The following CDH20 variants were observed in gnomAD, a reference collection of about 807,000 sequenced individuals.
CDH20 encodes the protein cadherin-20.
In CDH20, 29 loss-of-function variants were observed where a neutral mutation model predicts 74.2. The ratio of observed to expected loss-of-function variants is 0.39; its 90% CI spans 0.29 to 0.53. The LOEUF (loss-of-function observed/expected upper bound fraction) is 0.53. Ranked by LOEUF, CDH20 falls within the 20% of genes least tolerant of loss-of-function variation. The pLI, the probability that CDH20 is intolerant of heterozygous loss-of-function variation, is 0.69. For missense variants in CDH20, 988 were observed against 1,048.3 expected (o/e 0.94, Z 0.79); for synonymous variants, 469 against 405.4 (o/e 1.16, Z -1.88).
rs572717466 is a variant in CDH20 at position 61,366,803 on chromosome 18, G to A, written c.-153+32976G>A. On this transcript the variant is annotated intron_variant, in intron 1 of 11. Coordinates refer to ENST00000262717, the MANE Select transcript of CDH20 (RefSeq NM_031891.4). ...TCCAACAGTGAAACAAAGCAGAGAC[G>A]TTGTAAAAAAATCTCTTCCTGCATA... 7.0e-4 allele frequency among the ~76,000 whole-genome samples: 106 copies of A among 151,906 alleles called. 1 individual carries two copies. The highest frequency in any genetic ancestry group is 3.8e-3 in the South Asian group (18 of 4,794).
chr18:61,386,275 C>A (rs1004475682), intron 1 of CDH20, among the ~76,000 whole-genome samples: 2 of 152,152 alleles, frequency 1.3e-5, no homozygotes, highest in East Asian at 3.9e-4. Flanking sequence ...TGGCCTTTGG[C>A]AGTTGACTTA....
intron 1 of CDH20, among the ~76,000 whole-genome samples, chr18:61,360,427 A>G (rs997998250): frequency 6.6e-6 from 1 of 152,084 alleles, no homozygotes; most frequent in Non-Finnish European, 1.5e-5. Flanking sequence ...AAAATGAAAG[A>G]CCCAATTCCT....
intron 1 of CDH20, among the ~76,000 whole-genome samples, chr18:61,348,190 T>C (rs571092963): frequency 2.0e-5 from 3 of 152,328 alleles, no homozygotes; most frequent in Admixed American, 6.5e-5. Flanking sequence ...GTTACTTTCC[T>C]TATTCTTAGG....
chr18:61,345,772 G>T (rs1053599365), intron 1 of CDH20, among the ~76,000 whole-genome samples: 3 of 152,176 alleles, frequency 2.0e-5, no homozygotes, highest in African/African-American at 7.2e-5. Context: ...TGAGAAGTAT[G>T]CAGGATAGAG....
intron 2 of CDH20, 142 bp from the exon 3 acceptor site, chr18:61,499,044 T>C (rs1911267751): frequency 1.6e-6 from 1 of 642,016 alleles, no homozygotes; most frequent in Admixed American, 3.1e-5. Context: ...TGCATACTAG[T>C]TCTTTGTCGA....
At chr18:61,432,935 A>T (rs1908701546) in intron 1 of CDH20, among the ~76,000 whole-genome samples, 1 of 152,216 alleles carries the variant, frequency 6.6e-6, no homozygotes, top group Admixed American at 6.5e-5. Flanking sequence ...AAATTAGAAA[A>T]CACAGATAAG....
At chr18:61,551,512 A>G (rs1422270482) in intron 11 of CDH20, among the ~76,000 whole-genome samples, 1 of 152,236 alleles carries the variant, frequency 6.6e-6, no homozygotes, top group African/African-American at 2.4e-5. Flanking sequence ...TTCTCAAAAT[A>G]CATTTAAAAA....
chr18:61,477,061 C>T (rs917024266), intron 1 of CDH20, among the ~76,000 whole-genome samples: 17 of 151,208 alleles, frequency 1.1e-4, no homozygotes, highest in South Asian at 4.2e-4. Context: ...GAAGAACCAT[C>T]GGGGAATTAA....
At chr18:61,443,216 G>A (rs1436453720) in intron 1 of CDH20, among the ~76,000 whole-genome samples, 1 of 152,062 alleles carries the variant, frequency 6.6e-6, no homozygotes, top group African/African-American at 2.4e-5. Flanking sequence ...GAAATCAAAT[G>A]CCTCTAAGGG....
chr18:61,430,758 T>C (rs187573823), intron 1 of CDH20, among the ~76,000 whole-genome samples: 11 of 152,340 alleles, frequency 7.2e-5, no homozygotes, highest in Admixed American at 6.5e-4. Context: ...CTCTTCCAGA[T>C]TGGCTCTTTT....
In CDH20 at chr18:61,509,831, A is replaced by G. The variant is rs7227356; in HGVS notation, c.1017+2271A>G. 5.0e-3 allele frequency among the ~76,000 whole-genome samples: 761 copies of G among 152,272 alleles called. 8 individuals carry two copies. Among genetic ancestry groups the G allele is most frequent in the African/African-American group, 0.017 (711 of 41,550 alleles). On this transcript the variant is annotated intron_variant, in intron 6 of 11. Coordinates refer to ENST00000262717, the MANE Select transcript of CDH20 (RefSeq NM_031891.4). ...AGTAGTGGGAATGGAGGTGATAAGA[A>G]GTGGTCAGAATCTGTACATATTTTG...
intron 1 of CDH20, among the ~76,000 whole-genome samples, chr18:61,345,230 T>C (rs1202878592): frequency 6.6e-6 from 1 of 152,210 alleles, no homozygotes; most frequent in Middle Eastern, 3.2e-3. Flanking sequence ...TAAACGTTTA[T>C]GGAAGTCCCT....
chr18:61,505,482 C>T (rs1162679157), intron 5 of CDH20, among the ~76,000 whole-genome samples: 3 of 151,978 alleles, frequency 2.0e-5, no homozygotes, highest in Non-Finnish European at 4.4e-5. Flanking sequence ...ACTACAGGTG[C>T]ACACCACCAT....
intron 7 of CDH20, among the ~76,000 whole-genome samples, chr18:61,531,295 G>C (rs963660067): frequency 2.0e-5 from 3 of 152,162 alleles, no homozygotes; most frequent in African/African-American, 7.2e-5. Flanking sequence ...TCTCCCATGC[G>C]ACATTCACTA....
At chr18:61,540,094 T>A (rs1433305364) in intron 9 of CDH20, among the ~76,000 whole-genome samples, 1 of 152,168 alleles carries the variant, frequency 6.6e-6, no homozygotes, top group African/African-American at 2.4e-5. Flanking sequence ...TCTGTCCATC[T>A]CCTCCATTCT....
chr18:61,429,825 C>T (rs753394902), intron 1 of CDH20, among the ~76,000 whole-genome samples: 6 of 152,158 alleles, frequency 3.9e-5, no homozygotes, highest in East Asian at 1.9e-4. Context: ...TGATGGTTTA[C>T]GATTATTATT....
chr18:61,545,074 TCAG>T lies in CDH20; in HGVS notation c.1581_1583del (p.Gln527del), dbSNP rs1220172715. The T allele has an allele frequency of 1.2e-6, 2 of 1,613,998 alleles. No individual in the cohort carries two copies. The highest frequency in any genetic ancestry group is 1.7e-6 in the Non-Finnish European group (2 of 1,179,958). The stretch of plus-strand genomic sequence containing the variant: ...TGGACCAAGATGACCCACGCAATGG[TCAG>T]CATTTCTACTACAGCTTGGCTCCTG... On this transcript the variant is annotated inframe_deletion, in exon 10 of 12. Transcript: ENST00000262717.
rs141989172 is a variant in CDH20 at position 61,382,302 on chromosome 18, A to G, written c.-153+48475A>G. Among the ~76,000 whole-genome samples, 331 of 152,360 alleles carry G rather than the reference A, an allele frequency of 2.2e-3. 4 individuals are homozygous for G. Among genetic ancestry groups the G allele is most frequent in the African/African-American group, 7.3e-3 (304 of 41,590 alleles). On this transcript the variant is annotated intron_variant, in intron 1 of 11. Transcript: ENST00000262717. ...ATAGTGATTAGGCTAACAATAAGAA[A>G]GATTACTTAAATTGAAAAGTGTTTG...
intron 1 of CDH20, among the ~76,000 whole-genome samples, chr18:61,468,130 G>A (rs925225258): frequency 8.5e-5 from 13 of 152,102 alleles, no homozygotes; most frequent in African/African-American, 2.7e-4. Flanking sequence ...TACATATCAC[G>A]GGTCCCTTTG....
Sources: gnomAD v4.1 joint callset for allele counts (sites outside exome capture counted in the v4.1 genomes callset) on GRCh38, gnomAD v4.1.1 for gene constraint, MANE v1.5 for transcripts, NCBI Gene and HGNC (gene_info 2026-07-23, HGNC 2026-07-21) for gene names.